Variants in KCNH7 observed in about 807,000 individuals in gnomAD.
The protein encoded by KCNH7 is potassium voltage-gated channel subfamily H member 7, also known as voltage-gated inwardly rectifying potassium channel KCNH7.
A neutral mutation model predicts 120.8 loss-of-function variants in KCNH7; 49 were observed. The ratio of observed to expected loss-of-function variants is 0.41; its 90% confidence interval spans 0.32 to 0.51. KCNH7 has a LOEUF of 0.51. Among genes scored for constraint, KCNH7 ranks in the 20% least tolerant of loss-of-function variants. The pLI is 0.38. For missense variants in KCNH7, 1,097 were observed against 1,446.6 expected, an observed-to-expected ratio of 0.76 and a Z score of 3.92; for synonymous variants, 547 against 516.1, an observed-to-expected ratio of 1.06 and a Z score of -0.81.
chr2:162,817,140 A>G (rs1327946430), intron 2 of KCNH7, among the ~76,000 whole-genome samples: 1 of 152,156 alleles, frequency 6.6e-6, no homozygotes, highest in Non-Finnish European at 1.5e-5. Context: ...ACCAATGCAT[A>G]GACTCAAGTA....
At chr2:162,618,496 C>A (rs2105188265) in intron 2 of KCNH7, among the ~76,000 whole-genome samples, 1 of 152,098 alleles carries the variant, frequency 6.6e-6, no homozygotes, top group East Asian at 1.9e-4. Context: ...ACAGAAATCA[C>A]TAGTTTAAAA....
At chr2:162,833,538 A>T (rs1559155322) in intron 2 of KCNH7, among the ~76,000 whole-genome samples, 3 of 152,174 alleles carry the variant, frequency 2.0e-5, no homozygotes, top group Admixed American at 2.0e-4. Flanking sequence ...AGGATGATTT[A>T]TGCAATAATG....
At chr2:162,559,515 G>A (rs962245831) in intron 2 of KCNH7, among the ~76,000 whole-genome samples, 1 of 152,112 alleles carries the variant, frequency 6.6e-6, no homozygotes, top group African/African-American at 2.4e-5. Context: ...AAGCTTAAAA[G>A]CAAGGGCTTC....
intron 2 of KCNH7, among the ~76,000 whole-genome samples, chr2:162,715,374 C>T (rs912571173): frequency 6.6e-6 from 1 of 152,148 alleles, no homozygotes; most frequent in African/African-American, 2.4e-5. Context: ...GACCCACCCC[C>T]ATGATTCAAA....
At chr2:162,806,179 C>A (rs1684534479) in intron 2 of KCNH7, among the ~76,000 whole-genome samples, 1 of 152,040 alleles carries the variant, frequency 6.6e-6, no homozygotes, top group Non-Finnish European at 1.5e-5. Context: ...TCAGATTCAC[C>A]ACTATGTAAT....
chr2:162,466,464 A>C (rs1170393285), intron 6 of KCNH7, among the ~76,000 whole-genome samples: 1 of 152,222 alleles, frequency 6.6e-6, no homozygotes, highest in African/African-American at 2.4e-5. Context: ...TAAAACCATC[A>C]GATTTCATGA....
intron 2 of KCNH7, among the ~76,000 whole-genome samples, chr2:162,576,746 A>T (rs895275993): frequency 1.3e-5 from 2 of 152,016 alleles, no homozygotes; most frequent in African/African-American, 4.8e-5. Flanking sequence ...ATGATGACCA[A>T]GGGTCTTGTA....
At chr2:162,509,857 A>G (rs1286851269) in intron 5 of KCNH7, among the ~76,000 whole-genome samples, 2 of 151,602 alleles carry the variant, frequency 1.3e-5, no homozygotes, top group South Asian at 2.1e-4. Context: ...TCATAGACTA[A>G]TTGGAAATGG....
intron 2 of KCNH7, among the ~76,000 whole-genome samples, chr2:162,592,867 G>A (rs1375164515): frequency 1.3e-5 from 2 of 151,946 alleles, no homozygotes; most frequent in Admixed American, 1.3e-4. Flanking sequence ...ATGTAGTTTT[G>A]ACATCCACTA....
At position 162,821,541 on chromosome 2, in the gene KCNH7, G is replaced by A. The variant is rs962343593; in HGVS notation, c.307+14996C>T. 4.6e-5 allele frequency among the ~76,000 whole-genome samples: 7 copies of A among 152,276 alleles called. No homozygotes were observed. In the East Asian group the frequency reaches 1.2e-3, roughly 25 times the overall value. Reference sequence around the variant, plus strand: ...AAAATGTTCATGAAAACTCTGTACTGTAGAATGGCATACATTTTGAAAAAT... The same window carrying A: ...AAAATGTTCATGAAAACTCTGTACTATAGAATGGCATACATTTTGAAAAAT... On this transcript the variant is annotated intron_variant, in intron 2 of 15. Coordinates refer to ENST00000332142, the MANE Select transcript of KCNH7 (RefSeq NM_033272.4).
intron 2 of KCNH7, among the ~76,000 whole-genome samples, chr2:162,802,217 A>G (rs1684376237): frequency 6.6e-6 from 1 of 151,790 alleles, no homozygotes; most frequent in African/African-American, 2.4e-5. Context: ...TTTCAAAGAA[A>G]AGACTGATAA....
intron 2 of KCNH7, among the ~76,000 whole-genome samples, chr2:162,650,611 C>T (rs949622743): frequency 6.6e-6 from 1 of 152,136 alleles, no homozygotes; most frequent in African/African-American, 2.4e-5. Context: ...CTCTGACCTT[C>T]CTGAAAAGGT....
chr2:162,735,350 A>G (rs1687868444), intron 2 of KCNH7, among the ~76,000 whole-genome samples: 1 of 152,174 alleles, frequency 6.6e-6, no homozygotes, highest in South Asian at 2.1e-4. Context: ...TAAAATTATA[A>G]TAGGAGCTTG....
In KCNH7 at chr2:162,724,319, G is replaced by A. The variant is rs116500563; in HGVS notation, c.307+112218C>T. On this transcript the variant is annotated intron_variant, in intron 2 of 15. Coordinates refer to ENST00000332142, the MANE Select transcript of KCNH7 (RefSeq NM_033272.4). ...CCTATACATACATACCTATGATAAAGTTGAATTTATAAATTAGGCACAGTA... is the reference window on the plus strand; with the variant it reads ...CCTATACATACATACCTATGATAAAATTGAATTTATAAATTAGGCACAGTA... 5.4e-3 allele frequency among the ~76,000 whole-genome samples: 822 copies of A among 152,214 alleles called. 8 individuals are homozygous for A. Among genetic ancestry groups the A allele is most frequent in the African/African-American group, 0.019 (797 of 41,540 alleles).
intron 2 of KCNH7, among the ~76,000 whole-genome samples, chr2:162,705,744 A>T (rs1040632024): frequency 6.6e-6 from 1 of 152,106 alleles, no homozygotes; most frequent in Non-Finnish European, 1.5e-5. Context: ...ACCCATCTAA[A>T]TCCTTGCTGA....
chr2:162,752,946 AAGAAAAGAAAAG>A (rs1559116291), intron 2 of KCNH7, among the ~76,000 whole-genome samples: 1 of 105,024 alleles, frequency 9.5e-6, no homozygotes, highest in Non-Finnish European at 1.7e-5. Flanking sequence ...AAGAAAAGAA[AAGAAAAGAAAAG>A]AAAAGAAAAG....
Position 162,838,617 on chromosome 2 carries a change from T to A in KCNH7, c.-99A>T, listed in dbSNP as rs1685744310. Reference sequence around the variant, plus strand: ...CCAGGCCAGCGCGCGAGCCGCTCTTTGTGGCAGAGCATCCTCTTTTGAAAC... The same window carrying A: ...CCAGGCCAGCGCGCGAGCCGCTCTTAGTGGCAGAGCATCCTCTTTTGAAAC... On this transcript the variant is annotated 5_prime_UTR_variant, in exon 1 of 16. An upstream open reading frame in the 5' UTR gains an earlier in-frame stop. Transcript: ENST00000332142. 3 of 882,928 alleles carry A rather than the reference T, an allele frequency of 3.4e-6. No individual in the cohort carries two copies. The highest frequency in any genetic ancestry group is 1.7e-5 in the African/African-American group (1 of 59,856). The allele number at this position is 882,928 out of a possible 1,614,324, so 54.7% of individuals were successfully genotyped here.
chr2:162,627,009 T>C (rs1559051968), intron 2 of KCNH7, among the ~76,000 whole-genome samples: 3 of 152,180 alleles, frequency 2.0e-5, no homozygotes, highest in Admixed American at 2.0e-4. Context: ...GCTTATAGAA[T>C]GCACTCCAAT....
chr2:162,495,762 T>G (rs1024567095), intron 6 of KCNH7, among the ~76,000 whole-genome samples: 6 of 152,122 alleles, frequency 3.9e-5, no homozygotes, highest in Admixed American at 6.6e-5. Flanking sequence ...CAGCTGCAGC[T>G]CAGAAGAAAC....
Sources: gnomAD v4.1 joint callset for allele counts (sites outside exome capture counted in the v4.1 genomes callset) on GRCh38, gnomAD v4.1.1 for gene constraint, MANE v1.5 for transcripts, NCBI Gene and HGNC (gene_info 2026-07-23, HGNC 2026-07-21) for gene names.